DENND1B: variants seen among roughly 807,000 people sequenced by gnomAD.
DENND1B encodes the protein DENN domain containing 1B.
In DENND1B, 59 loss-of-function variants were observed where a neutral mutation model predicts 90.1. That is an observed-to-expected ratio of 0.65 (90% CI 0.53 to 0.81). The LOEUF is 0.81. Ranked by LOEUF, DENND1B falls within the 40% of genes least tolerant of loss-of-function variation. The probability of loss-of-function intolerance (pLI) is 0.00; values close to 1 mark genes in which losing one functional copy is unlikely to be tolerated. For synonymous variants in DENND1B, 337 were observed against 324.6 expected (o/e 1.04, Z -0.41); for missense variants, 862 against 912.6 (o/e 0.94, Z 0.71).
intron 10 of DENND1B, among the ~76,000 whole-genome samples, chr1:197,630,989 C>T (rs1239181038): frequency 6.6e-6 from 1 of 152,036 alleles, no homozygotes; most frequent in African/African-American, 2.4e-5. Flanking sequence ...ATGCCAATAC[C>T]CTCAAATACA....
At chr1:197,672,188 C>A in intron 4 of DENND1B, 32 bp from the exon 5 acceptor site, 1 of 1,549,082 alleles carries the variant, frequency 6.5e-7, no homozygotes, top group Non-Finnish European at 8.7e-7. Context: ...AAACATTGTG[C>A]CTTGTTTGAC....
At chr1:197,610,154 CACTT>C (rs1258857296) in intron 12 of DENND1B, among the ~76,000 whole-genome samples, 6 of 150,692 alleles carry the variant, frequency 4.0e-5, no homozygotes, top group Non-Finnish European at 7.5e-5. Context: ...ACTATTAAGA[CACTT>C]AGATAAGTCC....
chr1:197,651,646 T>C lies in DENND1B; in HGVS notation c.447+589A>G, dbSNP rs866627230. ...GATTTCACCTGAAAATCAATGCTTC[T>C]TTTTTTTTTTTTTTTTTTTTTTTTT... is the stretch of plus-strand genomic sequence containing the variant. On this transcript the variant is annotated intron_variant, in intron 7 of 22. Coordinates refer to ENST00000620048, the MANE Select transcript of DENND1B (RefSeq NM_001195215.2). Among the ~76,000 whole-genome samples, 174 of 41,426 alleles carry C rather than the reference T, an allele frequency of 4.2e-3. 1 individual carries two copies. The highest frequency in any genetic ancestry group is 0.018 in the South Asian group (22 of 1,220). The allele number at this position is 41,426 out of a possible 152,430, so 27.2% of individuals were successfully genotyped here.
rs754471773 is a variant in DENND1B, at chr1:197,510,727, T to G, written c.2061A>C (p.Gln687His). 5 of 1,612,706 alleles carry G rather than the reference T, an allele frequency of 3.1e-6. No homozygotes were observed. Among genetic ancestry groups the G allele is most frequent in the East Asian group, 2.2e-5 (1 of 44,824 alleles). ...TCTGGGAAACTTCAGGGGAAGTGAGTTGGAAATCCAGTCCTGAAGTAGGGT... is the reference window on the plus strand; with the variant it reads ...TCTGGGAAACTTCAGGGGAAGTGAGGTGGAAATCCAGTCCTGAAGTAGGGT... ...VSDPTSGLDF[Q>H]LTSPEVSQTD... Residue 687 changes from glutamine to histidine, a missense_variant, in exon 23 of 23, where the codon CAA (glutamine) becomes CAC (histidine). Coordinates refer to ENST00000620048, the MANE Select transcript of DENND1B (RefSeq NM_001195215.2).
intron 9 of DENND1B, among the ~76,000 whole-genome samples, chr1:197,644,789 A>G (rs1410688389): frequency 1.3e-5 from 2 of 152,320 alleles, no homozygotes; most frequent in Non-Finnish European, 1.5e-5. Flanking sequence ...CACTACCTAC[A>G]TGCTTTTGGA....
intron 15 of DENND1B, among the ~76,000 whole-genome samples, chr1:197,565,321 G>C (rs1208946893): frequency 1.3e-5 from 2 of 151,950 alleles, no homozygotes; most frequent in African/African-American, 2.4e-5. Context: ...AGGGAAAGTA[G>C]ATCACAGCAC....
Position 197,540,028 on chromosome 1 carries a change from T to C in DENND1B, c.1451A>G (p.Tyr484Cys). The C allele has an allele frequency of 1.2e-6, 2 of 1,613,430 alleles. No homozygotes were observed. Among genetic ancestry groups the C allele is most frequent in the Non-Finnish European group, 1.7e-6 (2 of 1,179,574 alleles). ...DYGTCSSSVQYTPVYKLHNEK... is the reference protein window; with the variant it reads ...DYGTCSSSVQCTPVYKLHNEK... ...ATTGTGTAATTTGTAAACTGGTGTA[T>C]ATTGTACAGAACTAGAACAGGTCCC... is the stretch of plus-strand genomic sequence containing the variant. The change falls in exon 20 of 23, where the codon TAT becomes TGT. Residue 484 changes from tyrosine (Y) to cysteine (C), a missense_variant. Physicochemically the swap from Tyr to Cys is radical, Grantham distance 194. Coordinates refer to ENST00000620048, the MANE Select transcript of DENND1B (RefSeq NM_001195215.2).
intron 7 of DENND1B, among the ~76,000 whole-genome samples, chr1:197,649,763 C>T (rs1051595421): frequency 1.2e-4 from 18 of 152,120 alleles, no homozygotes; most frequent in South Asian, 4.1e-4. Flanking sequence ...AACTATAAAA[C>T]TTCTAGAATA....
At chr1:197,644,970 T>G (rs1680603423) in intron 9 of DENND1B, among the ~76,000 whole-genome samples, 1 of 152,156 alleles carries the variant, frequency 6.6e-6, no homozygotes, top group East Asian at 1.9e-4. Flanking sequence ...AAAAATTACG[T>G]AAGGGAATAC....
At chr1:197,520,294 C>G (rs373578477) in intron 20 of DENND1B, among the ~76,000 whole-genome samples, 52 of 152,000 alleles carry the variant, frequency 3.4e-4, no homozygotes, top group East Asian at 3.3e-3. Flanking sequence ...TTTCTCAAGA[C>G]ACTTAAAAAA....
intron 13 of DENND1B, among the ~76,000 whole-genome samples, chr1:197,600,127 C>T (rs567558790): frequency 1.3e-5 from 2 of 151,778 alleles, no homozygotes; most frequent in Non-Finnish European, 2.9e-5. Context: ...AAAGATGTTC[C>T]TGATACACTG....
At chr1:197,564,230 T>C (rs181102133) in intron 15 of DENND1B, among the ~76,000 whole-genome samples, 14 of 151,804 alleles carry the variant, frequency 9.2e-5, no homozygotes, top group Admixed American at 9.2e-4. Flanking sequence ...TGCTATCAAA[T>C]AGCACCATAT....
chr1:197,540,363 T>C (rs1308427084), intron 19 of DENND1B, among the ~76,000 whole-genome samples: 1 of 151,988 alleles, frequency 6.6e-6, no homozygotes, highest in East Asian at 1.9e-4. Context: ...TATATAAAGA[T>C]AATTTGCTAT....
chr1:197,585,770 T>C (rs765076319), intron 14 of DENND1B, among the ~76,000 whole-genome samples: 2 of 152,214 alleles, frequency 1.3e-5, no homozygotes, highest in African/African-American at 4.8e-5. Flanking sequence ...TAAAGTTGTA[T>C]ATATTAATAT....
chr1:197,775,080 G>T lies in DENND1B; in HGVS notation c.17+59C>A, dbSNP rs1462021165. ...GCGGAGGCGCGGAGGAGCCGAGCTGGCCTGGGAGGGGCCGCCGAGGGACGC... is the reference window on the plus strand; with the variant it reads ...GCGGAGGCGCGGAGGAGCCGAGCTGTCCTGGGAGGGGCCGCCGAGGGACGC... On this transcript the variant is annotated intron_variant, in intron 1 of 22. Coordinates refer to ENST00000620048, the MANE Select transcript of DENND1B (RefSeq NM_001195215.2). The T allele has an allele frequency of 4.3e-6, 5 of 1,167,026 alleles. No homozygotes were observed. The Admixed American group carries it at 1.2e-4, about 29-fold the overall frequency. 72.3% of individuals were successfully genotyped at this position (1,167,026 alleles called of 1,614,324 possible). A position where few individuals can be genotyped will look rare whatever the true frequency, so the allele number is the denominator to read the frequency against.
chr1:197,775,757 G>A (rs114353656), upstream of DENND1B: 1,678 of 152,480 alleles, frequency 0.011, 36 homozygotes, highest in African/African-American at 0.038. Context: ...AGGGCGTCGG[G>A]GCTGCAACCC....
intron 2 of DENND1B, chr1:197,735,449 G>C (rs1196491773): frequency 2.9e-5 from 43 of 1,501,434 alleles, no homozygotes; most frequent in Non-Finnish European, 2.1e-5. Context: ...CTTCTCATGG[G>C]TTCTCGGGTA....
chr1:197,744,301 A>G lies in DENND1B; in HGVS notation c.82+28567T>C, dbSNP rs114941923. On this transcript the variant is annotated intron_variant, in intron 2 of 22. Coordinates refer to ENST00000620048, the MANE Select transcript of DENND1B (RefSeq NM_001195215.2). Reference sequence around the variant, plus strand: ...CATCAGAGGAATCAGTATCTAGGGCATCTATAGCCTTTCAAAATGTATTTC... The same window carrying G: ...CATCAGAGGAATCAGTATCTAGGGCGTCTATAGCCTTTCAAAATGTATTTC... 6.2e-3 allele frequency among the ~76,000 whole-genome samples: 940 copies of G among 152,318 alleles called. 11 individuals are homozygous for G. Among genetic ancestry groups the G allele is most frequent in the African/African-American group, 0.022 (908 of 41,584 alleles).
rs151268133 is a variant in DENND1B, at chr1:197,602,583, C to A, written c.921+4490G>T. 4.2e-4 allele frequency among the ~76,000 whole-genome samples: 63 copies of A among 151,300 alleles called. No homozygotes were observed. The East Asian group carries it at 0.011, about 25-fold the overall frequency. ...GGAACTAATATAATATTCTCTGGGG[C>A]CCTTTTTTTTCTTTATAACATATAT... On this transcript the variant is annotated intron_variant, in intron 13 of 22. Coordinates refer to ENST00000620048, the MANE Select transcript of DENND1B (RefSeq NM_001195215.2).
Sources: allele counts gnomAD v4.1 joint callset (sites outside exome capture counted in the v4.1 genomes callset), GRCh38; gene constraint gnomAD v4.1.1; transcripts MANE v1.5; gene names NCBI Gene and HGNC (gene_info 2026-07-23, HGNC 2026-07-21).